SIK2: variants seen among roughly 807,000 people sequenced by gnomAD.
SIK2 encodes the protein salt inducible kinase 2, also known as serine/threonine-protein kinase SIK2.
SIK2 carries 29 observed loss-of-function variants against 103.2 expected under a neutral mutation model. The observed-to-expected ratio is 0.28, with a 90% CI of 0.21 to 0.38. The LOEUF is 0.38. Among genes scored for constraint, SIK2 ranks in the 10% least tolerant of loss-of-function variants. The pLI, the probability that SIK2 is intolerant of heterozygous loss-of-function variation, is 1.00. For synonymous variants in SIK2, 412 were observed against 446.1 expected (o/e 0.92, Z 0.96); for missense variants, 879 against 1,171.0 (o/e 0.75, Z 3.64).
chr11:111,677,586 ATT>A (rs11384906), intron 3 of SIK2, among the ~76,000 whole-genome samples: 5 of 110,936 alleles, frequency 4.5e-5, no homozygotes, highest in African/African-American at 1.4e-4. Flanking sequence ...CCCAGCTAAA[ATT>A]TTTTTTTTTT....
chr11:111,669,020 G>A (rs764527434), intron 3 of SIK2, among the ~76,000 whole-genome samples: 6 of 152,148 alleles, frequency 3.9e-5, no homozygotes, highest in Non-Finnish European at 7.3e-5. Flanking sequence ...ACACATCAGG[G>A]TGCCCAATAC....
rs1555024123 is a variant in SIK2 at position 111,612,948 on chromosome 11, T to TATA, written c.136-3295_136-3294insATA. ...TATATATATATATATATATATATAT[T>TATA]TATGATCATAGGATCATAGATGGAT... is the stretch of plus-strand genomic sequence containing the variant. On this transcript the variant is annotated intron_variant, in intron 1 of 14. Coordinates refer to ENST00000304987, the MANE Select transcript of SIK2 (RefSeq NM_015191.3). Among the ~76,000 whole-genome samples, 224 of 95,708 alleles carry TATA rather than the reference T, an allele frequency of 2.3e-3. 6 individuals carry two copies. Among genetic ancestry groups the TATA allele is most frequent in the African/African-American group, 0.01 (217 of 21,096 alleles). 62.8% of individuals were successfully genotyped at this position (95,708 alleles called of 152,430 possible). A position where few individuals can be genotyped will look rare whatever the true frequency, so the allele number is the denominator to read the frequency against.
chr11:111,700,651 C>T (rs541677727), intron 4 of SIK2, among the ~76,000 whole-genome samples: 30 of 152,280 alleles, frequency 2.0e-4, no homozygotes, highest in African/African-American at 6.0e-4. Context: ...CTCACTTACT[C>T]GCTTTGGGAA....
At position 111,722,028 on chromosome 11, in the gene SIK2, T is replaced by C; in HGVS notation, c.2055+88T>C. ...GCAGAAACGTGTTTTGCCTGGCATTTATTTAGGGTAGCTGCTTGATTCCTT... is the reference window on the plus strand; with the variant it reads ...GCAGAAACGTGTTTTGCCTGGCATTCATTTAGGGTAGCTGCTTGATTCCTT... On this transcript the variant is annotated intron_variant, in intron 13 of 14. Coordinates refer to ENST00000304987, the MANE Select transcript of SIK2 (RefSeq NM_015191.3). The surrounding 1 kb of genome is among the most constrained non-coding windows in gnomAD (Gnocchi z 4.4). 1 of 1,005,186 alleles carries C rather than the reference T, an allele frequency of 9.9e-7. No homozygotes were observed. Among genetic ancestry groups the C allele is most frequent in the East Asian group, 2.7e-5 (1 of 37,538 alleles). 62.3% of individuals were successfully genotyped at this position (1,005,186 alleles called of 1,614,324 possible).
Position 111,688,414 on chromosome 11 carries a change from G to A in SIK2, c.478+252G>A, listed in dbSNP as rs889596294. ...CCAGATTCCATTGGCAGGGTTTCGG[G>A]GTGCTCTGCTGGAAGAGGTACATTT... On this transcript the variant is annotated intron_variant, in intron 4 of 14. Coordinates refer to ENST00000304987, the MANE Select transcript of SIK2 (RefSeq NM_015191.3). The surrounding 1 kb of genome is among the most constrained non-coding windows in gnomAD (Gnocchi z 4.2). 5.3e-5 allele frequency among the ~76,000 whole-genome samples: 8 copies of A among 152,176 alleles called. No individual in the cohort carries two copies. The highest frequency in any genetic ancestry group is 1.7e-4 in the African/African-American group (7 of 41,442).
chr11:111,724,032 AC>A lies in SIK2; in HGVS notation c.2685del (p.Tyr895Ter), dbSNP rs1943891184. The A allele has an allele frequency of 6.2e-7, 1 of 1,614,072 alleles. No homozygotes were observed. Among genetic ancestry groups the A allele is most frequent in the Non-Finnish European group, 8.5e-7 (1 of 1,180,042 alleles). ...SPGLQEAPSS[Y>X]DPLALSELPG... is the part of the protein sequence containing the mutation. ...GGACTGCAAGAGGCCCCCTCCAGCTACGACCCACTAGCCCTCTCTGAGCTAC... is the reference window on the plus strand; with the variant it reads ...GGACTGCAAGAGGCCCCCTCCAGCTAGACCCACTAGCCCTCTCTGAGCTAC... On this transcript the variant is annotated frameshift_variant, in exon 15 of 15. Coordinates refer to ENST00000304987, the MANE Select transcript of SIK2 (RefSeq NM_015191.3). LOFTEE classifies it high-confidence loss of function.
chr11:111,711,040 G>A (rs1472302395), intron 8 of SIK2, among the ~76,000 whole-genome samples: 1 of 152,136 alleles, frequency 6.6e-6, no homozygotes, highest in Admixed American at 6.5e-5. Context: ...TGAAGGGATG[G>A]TGATGAAAGG....
chr11:111,706,457 T>C (rs1184043944), intron 8 of SIK2, among the ~76,000 whole-genome samples: 2 of 152,158 alleles, frequency 1.3e-5, no homozygotes, highest in Non-Finnish European at 2.9e-5. Flanking sequence ...CCATTGACTT[T>C]CCTGTCTACT....
At chr11:111,721,138 A>T in intron 12 of SIK2, 76 bp downstream of exon 12, 1 of 1,497,092 alleles carries the variant, frequency 6.7e-7, no homozygotes, top group Non-Finnish European at 9.0e-7. Context: ...GGTCATTTTC[A>T]CTTAGAGGAT....
rs1941601278 is a variant in SIK2, at chr11:111,602,797, G to A, written c.135+99G>A. 2 of 1,382,580 alleles carry A rather than the reference G, an allele frequency of 1.4e-6. No individual in the cohort carries two copies. The highest frequency in any genetic ancestry group is 3.1e-5 in the South Asian group (2 of 63,496). The allele number at this position is 1,382,580 out of a possible 1,614,324, so 85.6% of individuals were successfully genotyped here. ...CGCAGTGGTGGGACCGGGGAGACCCGAGAGGCCGCCTCACTGGCGGAGGCG... is the reference window on the plus strand; with the variant it reads ...CGCAGTGGTGGGACCGGGGAGACCCAAGAGGCCGCCTCACTGGCGGAGGCG... On this transcript the variant is annotated intron_variant, in intron 1 of 14. Transcript: ENST00000304987. The surrounding 1 kb of genome is among the most constrained non-coding windows in gnomAD (Gnocchi z 4.5).
At position 111,720,659 on chromosome 11, in the gene SIK2, C is replaced by T; in HGVS notation, c.1677C>T (p.Asn559=). The part of the protein sequence containing the change: ...TSPFISLRPT[N]PAMQALSSQK... ...CCTTCATAAGCCTGAGACCTACCAA[C>T]CCAGCCATGCAGGCTCTGAGCTCCC... is the stretch of plus-strand genomic sequence containing the variant. Residue 559 remains asparagine, a synonymous_variant, in exon 11 of 15, where the codon AAC becomes AAT. Coordinates refer to ENST00000304987, the MANE Select transcript of SIK2 (RefSeq NM_015191.3). 1 of 1,614,106 alleles carries T rather than the reference C, an allele frequency of 6.2e-7. No homozygotes were observed. The highest frequency in any genetic ancestry group is 8.5e-7 in the Non-Finnish European group (1 of 1,180,020).
chr11:111,647,121 A>C (rs926141652), intron 3 of SIK2, among the ~76,000 whole-genome samples: 1 of 152,208 alleles, frequency 6.6e-6, no homozygotes, highest in Non-Finnish European at 1.5e-5. Flanking sequence ...TTATTTTTTA[A>C]CTGTTATAGT....
intron 2 of SIK2, among the ~76,000 whole-genome samples, chr11:111,616,729 C>G (rs1392887746): frequency 6.6e-6 from 1 of 151,724 alleles, no homozygotes; most frequent in African/African-American, 2.4e-5. Flanking sequence ...ATCTGTAGTC[C>G]CAGCTACTTG....
At chr11:111,612,581 C>G (rs914190685) in intron 1 of SIK2, among the ~76,000 whole-genome samples, 1 of 152,102 alleles carries the variant, frequency 6.6e-6, no homozygotes, top group African/African-American at 2.4e-5. Flanking sequence ...GCACCACTTC[C>G]AGCCCTGGCC....
Position 111,688,093 on chromosome 11 carries a change from A to C in SIK2, c.409A>C (p.Lys137Gln), listed in dbSNP as rs138503900. The change falls in exon 4 of 15, where the codon AAG becomes CAG. Residue 137 changes from lysine (K) to glutamine (Q), a missense_variant. This residue lies in a region of SIK2 where 126 missense variants were observed against 245.5 expected (regional missense o/e 0.51). Transcript: ENST00000304987. The surrounding 1 kb of genome is among the most constrained non-coding windows in gnomAD (Gnocchi z 4.2). ...TGCTGTTGATTATTGTCATGGTCGG[A>C]AGATTGTGCACCGTGACCTCAAAGC... ...LSAVDYCHGRKIVHRDLKAEN... is the reference protein window; with the variant it reads ...LSAVDYCHGRQIVHRDLKAEN... The C allele has an allele frequency of 3.0e-5, 49 of 1,614,044 alleles. No individual in the cohort carries two copies. The highest frequency in any genetic ancestry group is 3.6e-5 in the Non-Finnish European group (43 of 1,180,044).
rs1942886700 is a variant in SIK2, at chr11:111,688,951, AAC to A, written c.478+790_478+791del. On this transcript the variant is annotated intron_variant, in intron 4 of 14. Coordinates refer to ENST00000304987, the MANE Select transcript of SIK2 (RefSeq NM_015191.3). The surrounding 1 kb of genome is among the most constrained non-coding windows in gnomAD (Gnocchi z 4.2). ...AGTTGCAATTTTAAAAGTATATACA[AAC>A]TGCATGGGAGTATAGGTGAGGGAAC... Among the ~76,000 whole-genome samples the A allele has an allele frequency of 2.6e-5, 4 of 152,238 alleles. No homozygotes were observed. Among genetic ancestry groups the A allele is most frequent in the Non-Finnish European group, 5.9e-5 (4 of 68,040 alleles).
chr11:111,620,349 C>A lies in SIK2; in HGVS notation c.263C>A (p.Thr88Asn). The change falls in exon 3 of 15, where the codon ACC becomes AAC. Residue 88 changes from threonine to asparagine, a missense_variant. By Grantham distance (65) the Thr-to-Asn change is moderately conservative. Transcript: ENST00000304987. The stretch of plus-strand genomic sequence containing the variant: ...ATTATTTATCAATAGGTAATGGAGA[C>A]CAAAAGTATGTTGTACCTTGTGACA... ...HIIKLYQVME[T>N]KSMLYLVTEY... The A allele has an allele frequency of 6.3e-7, 1 of 1,588,714 alleles. No individual in the cohort carries two copies. Among genetic ancestry groups the A allele is most frequent in the South Asian group, 1.2e-5 (1 of 84,682 alleles).
At chr11:111,690,013 A>T (rs1942908022) in intron 4 of SIK2, among the ~76,000 whole-genome samples, 1 of 151,990 alleles carries the variant, frequency 6.6e-6, no homozygotes, top group South Asian at 2.1e-4. Flanking sequence ...ACACATATAC[A>T]CGTATATATA....
At chr11:111,685,304 C>T (rs1565353751) in intron 3 of SIK2, among the ~76,000 whole-genome samples, 1 of 152,142 alleles carries the variant, frequency 6.6e-6, no homozygotes, top group Non-Finnish European at 1.5e-5. Flanking sequence ...GGCAGGGGGC[C>T]GGGTTCCTAA....
Sources: gnomAD v4.1 joint callset for allele counts (sites outside exome capture counted in the v4.1 genomes callset) on GRCh38, gnomAD v4.1.1 for gene constraint, gnomAD v4.1.1 regional missense constraint, Gnocchi (gnomAD v3.1) non-coding constraint, MANE v1.5 for transcripts, NCBI Gene and HGNC (gene_info 2026-07-23, HGNC 2026-07-21) for gene names.